The following ETV6 variants were observed in gnomAD, a reference collection of about 807,000 sequenced individuals.
The protein encoded by ETV6 is ETS variant transcription factor 6.
ETV6 carries 16 observed loss-of-function variants against 51.1 expected under a neutral mutation model. The observed-to-expected ratio is 0.31, with a 90% CI of 0.21 to 0.48. The LOEUF (loss-of-function observed/expected upper bound fraction) is 0.48, where lower values mean the gene tolerates loss of function less well. Among genes scored for constraint, ETV6 ranks in the 20% least tolerant of loss-of-function variants. ETV6 has a pLI of 0.99. For synonymous variants in ETV6, 240 were observed against 224.1 expected (o/e 1.07, Z -0.64); for missense variants, 458 against 594.8 (o/e 0.77, Z 2.39).
At chr12:11,875,768 G>A (rs1323392749) in intron 5 of ETV6, among the ~76,000 whole-genome samples, 1 of 152,068 alleles carries the variant, frequency 6.6e-6, no homozygotes, top group Non-Finnish European at 1.5e-5. Context: ...GAAAACTGTG[G>A]CCCAAAGTGT....
intron 2 of ETV6, among the ~76,000 whole-genome samples, chr12:11,759,249 A>G (rs1027732257): frequency 1.3e-5 from 2 of 151,678 alleles, no homozygotes; most frequent in Non-Finnish European, 2.9e-5. Context: ...CTCTGTGTAC[A>G]TTTAAGGCAG....
chr12:11,851,051 C>A (rs950157272), intron 3 of ETV6, among the ~76,000 whole-genome samples: 26 of 152,252 alleles, frequency 1.7e-4, no homozygotes, highest in African/African-American at 5.8e-4. Context: ...GGGACTTGTT[C>A]AAGGTCACCT....
chr12:11,761,415 A>T (rs1203859760), intron 2 of ETV6, among the ~76,000 whole-genome samples: 1 of 152,202 alleles, frequency 6.6e-6, no homozygotes, highest in Non-Finnish European at 1.5e-5. Context: ...ACAAAACTAA[A>T]TGAAGTAAAA....
In ETV6 at chr12:11,700,711, G is replaced by C. The variant is rs373822942; in HGVS notation, c.33+50551G>C. 2.6e-5 allele frequency among the ~76,000 whole-genome samples: 4 copies of C among 152,170 alleles called. No individual in the cohort carries two copies. The East Asian group carries it at 5.8e-4, about 22-fold the overall frequency. On this transcript the variant is annotated intron_variant, in intron 1 of 7. Coordinates refer to ENST00000396373, the MANE Select transcript of ETV6 (RefSeq NM_001987.5). ...TTACCGTTCATTAAGTGGAAGTGGA[G>C]CATCATAAAGGTCTTCATCTTCATC...
At chr12:11,884,991 A>C (rs1203977211) in intron 6 of ETV6, among the ~76,000 whole-genome samples, 1 of 152,228 alleles carries the variant, frequency 6.6e-6, no homozygotes, top group African/African-American at 2.4e-5. Flanking sequence ...CATGTTCCCC[A>C]AAGCCCATTT....
intron 1 of ETV6, among the ~76,000 whole-genome samples, chr12:11,713,348 CCTT>C (rs1458699583): frequency 9.9e-5 from 15 of 152,168 alleles, no homozygotes; most frequent in African/African-American, 3.6e-4. Flanking sequence ...ATTGAACTCT[CCTT>C]CAGCCTTTGT....
intron 1 of ETV6, among the ~76,000 whole-genome samples, chr12:11,661,843 G>A (rs921901378): frequency 3.9e-5 from 6 of 152,202 alleles, no homozygotes; most frequent in African/African-American, 7.2e-5. Context: ...AGGGCTGTGA[G>A]TGAGGAGATG....
At chr12:11,677,491 C>T (rs1296507642) in intron 1 of ETV6, among the ~76,000 whole-genome samples, 1 of 152,194 alleles carries the variant, frequency 6.6e-6, no homozygotes, top group Non-Finnish European at 1.5e-5. Context: ...GTTTCTTAAG[C>T]AGATGGATGG....
intron 1 of ETV6, among the ~76,000 whole-genome samples, chr12:11,687,030 C>A (rs754548799): frequency 6.6e-6 from 1 of 152,052 alleles, no homozygotes; most frequent in African/African-American, 2.4e-5. Flanking sequence ...GGACTACAGG[C>A]GCACACCACT....
intron 1 of ETV6, 100 bp downstream of exon 1, chr12:11,650,260 C>T: frequency 5.8e-6 from 6 of 1,037,198 alleles, no homozygotes; most frequent in Admixed American, 1.7e-5. Flanking sequence ...TGCAGTTGCT[C>T]TGTTCGCAGG....
At chr12:11,883,172 TC>T (rs1591748010) in intron 5 of ETV6, among the ~76,000 whole-genome samples, 1 of 149,852 alleles carries the variant, frequency 6.7e-6, no homozygotes, top group East Asian at 2.0e-4. Flanking sequence ...CACACATCTG[TC>T]CCCAGCTGCC....
chr12:11,662,334 G>A (rs1019339485), intron 1 of ETV6, among the ~76,000 whole-genome samples: 9 of 152,176 alleles, frequency 5.9e-5, no homozygotes, highest in African/African-American at 1.9e-4. Flanking sequence ...TGTTATTGCA[G>A]CAAAGAGGGA....
chr12:11,767,858 G>T (rs2051523), intron 2 of ETV6, among the ~76,000 whole-genome samples: 1 of 152,144 alleles, frequency 6.6e-6, no homozygotes, highest in Non-Finnish European at 1.5e-5. Flanking sequence ...GGAAAAATGG[G>T]TGCTTGCCAG....
At chr12:11,839,112 TC>T in intron 2 of ETV6, 27 bp from the exon 3 acceptor site, 5 of 1,600,052 alleles carry the variant, frequency 3.1e-6, no homozygotes, top group Non-Finnish European at 4.3e-6. Flanking sequence ...TTTCTCTCTT[TC>T]TTTCTGCCTC....
intron 3 of ETV6, among the ~76,000 whole-genome samples, chr12:11,845,097 A>G (rs893507091): frequency 1.3e-5 from 2 of 152,178 alleles, no homozygotes; most frequent in African/African-American, 4.8e-5. Flanking sequence ...CCAAAGTGCT[A>G]GGATTACAGG....
At chr12:11,657,134 GAGAA>G (rs1193190356) in intron 1 of ETV6, among the ~76,000 whole-genome samples, 1 of 152,078 alleles carries the variant, frequency 6.6e-6, no homozygotes, top group Non-Finnish European at 1.5e-5. Context: ...GAAAGAAACA[GAGAA>G]AGAGAGAGAT....
intron 2 of ETV6, among the ~76,000 whole-genome samples, chr12:11,784,942 AG>A (rs796740125): frequency 5.4e-5 from 8 of 147,926 alleles, no homozygotes; most frequent in African/African-American, 1.8e-4. Flanking sequence ...CCCAGCCTCA[AG>A]CAATCCTCCT....
At position 11,752,499 on chromosome 12, in the gene ETV6, C is replaced by T; in HGVS notation, c.83C>T (p.Ala28Val). ...TPPESPVPSY[A>V]SSTPLHVPVP... ...CCAGAGAGCCCAGTGCCGAGTTACG[C>T]TTCCTCGACGCCACTTCATGTTCCA... The change falls in exon 2 of 8, where the codon GCT (alanine) becomes GTT (valine). Residue 28 changes from alanine to valine, a missense_variant. Coordinates refer to ENST00000396373, the MANE Select transcript of ETV6 (RefSeq NM_001987.5). 1.9e-6 allele frequency: 3 copies of T among 1,614,018 alleles called. No individual in the cohort carries two copies. Among genetic ancestry groups the T allele is most frequent in the Non-Finnish European group, 2.5e-6 (3 of 1,179,970 alleles).
chr12:11,725,804 T>C (rs1045723764), intron 1 of ETV6, among the ~76,000 whole-genome samples: 1 of 152,156 alleles, frequency 6.6e-6, no homozygotes, highest in African/African-American at 2.4e-5. Context: ...GCTTCCTCTC[T>C]TGCCACGTGA....
Sources: allele counts gnomAD v4.1 joint callset (sites outside exome capture counted in the v4.1 genomes callset), GRCh38; gene constraint gnomAD v4.1.1; transcripts MANE v1.5; gene names NCBI Gene and HGNC (gene_info 2026-07-23, HGNC 2026-07-21).